The following LINGO2 variants were observed in gnomAD, a reference collection of about 807,000 sequenced individuals.
LINGO2 encodes the protein leucine-rich repeat and immunoglobulin-like domain-containing nogo receptor-interacting protein 2.
LINGO2 carries 14 observed loss-of-function variants against 30.6 expected under a neutral mutation model. The ratio of observed to expected loss-of-function variants is 0.46; its 90% CI spans 0.30 to 0.72. The LOEUF (loss-of-function observed/expected upper bound fraction) is 0.72, where lower values mean the gene tolerates loss of function less well. LINGO2 is among the 30% of genes least tolerant of loss of function. LINGO2 has a pLI of 0.07. For synonymous variants in LINGO2, 317 were observed against 288.5 expected (o/e 1.10, Z -1.00); for missense variants, 729 against 751.7 (o/e 0.97, Z 0.35).
At chr9:28,070,564 C>T (rs1825444199) in intron 4 of LINGO2, among the ~76,000 whole-genome samples, 1 of 152,116 alleles carries the variant, frequency 6.6e-6, no homozygotes, top group East Asian at 1.9e-4. Flanking sequence ...CTTGTTTCCA[C>T]TTTAATTTAT....
the LINGO2 span, among the ~76,000 whole-genome samples, chr9:28,906,693 C>T: frequency 5.3e-5 from 8 of 151,960 alleles, no homozygotes; most frequent in South Asian, 4.2e-4. Flanking sequence ...TGCTCCATTC[C>T]GATTACTGTG....
chr9:28,364,667 G>T (rs186162163), intron 3 of LINGO2, among the ~76,000 whole-genome samples: 1 of 152,162 alleles, frequency 6.6e-6, no homozygotes, highest in African/African-American at 2.4e-5. Context: ...TTGTATTGTA[G>T]ACAGTTATGT....
chr9:28,914,650 T>C, the LINGO2 span, among the ~76,000 whole-genome samples: 2 of 152,116 alleles, frequency 1.3e-5, no homozygotes, highest in Admixed American at 6.6e-5. Flanking sequence ...AAACCTCATA[T>C]ACAGAGGGCC....
the LINGO2 span, among the ~76,000 whole-genome samples, chr9:29,208,933 C>T: frequency 1.3e-5 from 2 of 152,062 alleles, no homozygotes; most frequent in South Asian, 2.1e-4. Context: ...CTCTTGAGGA[C>T]ATTTAAGAAT....
intron 4 of LINGO2, among the ~76,000 whole-genome samples, chr9:28,044,587 A>T (rs113627549): frequency 6.6e-6 from 1 of 151,546 alleles, no homozygotes; most frequent in African/African-American, 2.4e-5. Context: ...GTTTGGTTTG[A>T]TTTTTTTTTA....
intron 1 of LINGO2, among the ~76,000 whole-genome samples, chr9:28,550,790 A>G (rs888853718): frequency 2.0e-5 from 3 of 151,944 alleles, no homozygotes; most frequent in African/African-American, 7.2e-5. Context: ...CATATAAAAT[A>G]ATGTTTATAA....
chr9:28,095,431 A>G (rs1826216235), intron 4 of LINGO2, among the ~76,000 whole-genome samples: 1 of 152,150 alleles, frequency 6.6e-6, no homozygotes, highest in Non-Finnish European at 1.5e-5. Context: ...CTGATCTTTG[A>G]CAAACCTGAG....
chr9:28,209,154 G>T (rs959837159), intron 4 of LINGO2, among the ~76,000 whole-genome samples: 1 of 151,964 alleles, frequency 6.6e-6, no homozygotes, highest in Non-Finnish European at 1.5e-5. Flanking sequence ...TTTTCAAAGC[G>T]TCCTTTCGTG....
chr9:28,964,192 G>T, the LINGO2 span, among the ~76,000 whole-genome samples: 1 of 151,898 alleles, frequency 6.6e-6, no homozygotes, highest in African/African-American at 2.4e-5. Flanking sequence ...TTGTGATACA[G>T]AATATCCAGT....
chr9:28,289,934 C>T (rs1050810329), intron 4 of LINGO2, among the ~76,000 whole-genome samples: 115 of 152,280 alleles, frequency 7.6e-4, no homozygotes, highest in African/African-American at 2.7e-3. Flanking sequence ...GCCCTTCATA[C>T]AAATTCCTCC....
chr9:28,212,592 T>A (rs983166584), intron 4 of LINGO2, among the ~76,000 whole-genome samples: 1 of 151,492 alleles, frequency 6.6e-6, no homozygotes, highest in East Asian at 1.9e-4. Flanking sequence ...ATGCATATAC[T>A]GAATGTTGAT....
At chr9:28,388,896 T>C (rs971507876) in intron 2 of LINGO2, among the ~76,000 whole-genome samples, 5 of 150,860 alleles carry the variant, frequency 3.3e-5, no homozygotes, top group African/African-American at 7.3e-5. Flanking sequence ...CTTTCTCTCT[T>C]TCTCTCTCTC....
chr9:28,948,516 C>T, the LINGO2 span, among the ~76,000 whole-genome samples: 897 of 152,150 alleles, frequency 5.9e-3, 11 homozygotes, highest in African/African-American at 0.02. Context: ...TTCTGACTCT[C>T]GCTCTCACAC....
chr9:28,037,096 G>A (rs1045302174), intron 4 of LINGO2, among the ~76,000 whole-genome samples: 6 of 152,290 alleles, frequency 3.9e-5, no homozygotes, highest in Admixed American at 3.3e-4. Flanking sequence ...AAGGATCCGA[G>A]TTCAAGCAGT....
chr9:28,606,086 G>A (rs908704616), intron 1 of LINGO2, among the ~76,000 whole-genome samples: 2 of 151,880 alleles, frequency 1.3e-5, no homozygotes, highest in African/African-American at 4.8e-5. Flanking sequence ...ATAACCACTT[G>A]TAGAATAAAA....
chr9:29,104,314 T>C, the LINGO2 span, among the ~76,000 whole-genome samples: 13 of 152,152 alleles, frequency 8.5e-5, no homozygotes, highest in Non-Finnish European at 1.8e-4. Context: ...AATAGTGAGT[T>C]CTCAGAAGAT....
At chr9:29,194,849 T>G in the LINGO2 span, among the ~76,000 whole-genome samples, 2 of 152,244 alleles carry the variant, frequency 1.3e-5, no homozygotes, top group Non-Finnish European at 2.9e-5. Flanking sequence ...TGAAAAAAGC[T>G]ACTCATCATA....
At chr9:28,010,973 G>A (rs949189650) in intron 5 of LINGO2, among the ~76,000 whole-genome samples, 7 of 152,080 alleles carry the variant, frequency 4.6e-5, no homozygotes, top group African/African-American at 1.7e-4. Context: ...AAATCCAAAT[G>A]GGTCCAAAGG....
At chr9:29,068,736 T>A in the LINGO2 span, among the ~76,000 whole-genome samples, 5 of 151,840 alleles carry the variant, frequency 3.3e-5, no homozygotes, top group Non-Finnish European at 7.4e-5. Context: ...TAATAATGAA[T>A]AGAAACCAAC....
Sources: allele counts gnomAD v4.1 joint callset (sites outside exome capture counted in the v4.1 genomes callset), GRCh38; gene constraint gnomAD v4.1.1; transcripts MANE v1.5; gene names NCBI Gene and HGNC (gene_info 2026-07-23, HGNC 2026-07-21).